The following PRKAG2 variants were observed in gnomAD, a reference collection of about 807,000 sequenced individuals.
PRKAG2 encodes the protein 5'-AMP-activated protein kinase subunit gamma-2.
Under a neutral mutation model 69.6 loss-of-function variants are expected in PRKAG2, and 26 were observed. The observed-to-expected ratio is 0.37, with a 90% CI of 0.27 to 0.52. The LOEUF is 0.52. Ranked by LOEUF, PRKAG2 falls within the 20% of genes least tolerant of loss-of-function variation. PRKAG2 has a pLI of 0.90. For missense variants in PRKAG2, 557 were observed against 740.0 expected, an observed-to-expected ratio of 0.75 and a Z score of 2.87; for synonymous variants, 293 against 285.0, an observed-to-expected ratio of 1.03 and a Z score of -0.28.
intron 5 of PRKAG2, among the ~76,000 whole-genome samples, chr7:151,631,258 T>C (rs1269203572): frequency 1.3e-5 from 2 of 152,234 alleles, no homozygotes; most frequent in Admixed American, 6.5e-5. Context: ...AAGCATCTTA[T>C]ATAAAGTTCT....
intron 1 of PRKAG2, among the ~76,000 whole-genome samples, chr7:151,870,154 T>TAGATAGATAGGCAGGCAGGCAGGC (rs1159760978): frequency 2.2e-5 from 3 of 138,438 alleles, no homozygotes; most frequent in African/African-American, 8.3e-5. Context: ...GATAGATAGA[T>TAGATAGATAGGCAGGCAGGCAGGC]AGGCAGGCAG....
At chr7:151,630,450 T>C (rs1824140206) in intron 5 of PRKAG2, among the ~76,000 whole-genome samples, 1 of 152,086 alleles carries the variant, frequency 6.6e-6, no homozygotes. Context: ...TCACTATGGG[T>C]TTACACTGTT....
chr7:151,694,677 G>A (rs989207058), intron 3 of PRKAG2, among the ~76,000 whole-genome samples: 6 of 152,186 alleles, frequency 3.9e-5, no homozygotes, highest in African/African-American at 1.4e-4. Flanking sequence ...CACACAGCAC[G>A]GAGGGCTTTC....
At chr7:151,634,095 C>T (rs1585388462) in intron 4 of PRKAG2, among the ~76,000 whole-genome samples, 2 of 152,124 alleles carry the variant, frequency 1.3e-5, no homozygotes, top group East Asian at 1.9e-4. Context: ...ATCTTGAAGT[C>T]GCTTAATATT....
chr7:151,609,275 T>C (rs1321226366), intron 5 of PRKAG2, among the ~76,000 whole-genome samples: 2 of 151,492 alleles, frequency 1.3e-5, no homozygotes, highest in Admixed American at 1.3e-4. Flanking sequence ...CTGAAACCCA[T>C]TTACACAGAA....
intron 5 of PRKAG2, among the ~76,000 whole-genome samples, chr7:151,617,295 G>GAAA (rs1820408782): frequency 7.7e-6 from 1 of 130,088 alleles, no homozygotes; most frequent in African/African-American, 2.8e-5. Context: ...AGGGAGGGGG[G>GAAA]GAGGGAGGGA....
At chr7:151,783,632 G>T (rs7782177) in intron 2 of PRKAG2, among the ~76,000 whole-genome samples, 105,519 of 151,894 alleles carry the variant, frequency 0.69, 36,899 homozygotes, top group East Asian at 0.86. Context: ...AAACAAGAGA[G>T]TCTTCAGGCA....
intron 3 of PRKAG2, among the ~76,000 whole-genome samples, chr7:151,677,931 T>A (rs1263414910): frequency 6.6e-6 from 1 of 152,204 alleles, no homozygotes; most frequent in Non-Finnish European, 1.5e-5. Context: ...TCAAACTCCT[T>A]TAAACATAAT....
In PRKAG2 at chr7:151,634,425, C is replaced by A. The variant is rs1825379905; in HGVS notation, c.685-2287G>T. Among the ~76,000 whole-genome samples the A allele has an allele frequency of 1.3e-5, 2 of 152,204 alleles. 1 individual carries two copies. The highest frequency in any genetic ancestry group is 4.1e-4 in the South Asian group (2 of 4,828). ...CAAAAGTTAGACTTGACACCAAAAA[C>A]ACAGTCCATAAAAGGAAAAACATAA... On this transcript the variant is annotated intron_variant, in intron 4 of 15. Transcript: ENST00000287878.
chr7:151,664,295 G>T (rs551132988), intron 4 of PRKAG2, among the ~76,000 whole-genome samples: 3 of 152,274 alleles, frequency 2.0e-5, no homozygotes, highest in African/African-American at 7.2e-5. Flanking sequence ...TATCTCATTT[G>T]AGCCTCACAG....
rs1010587574 is a variant in PRKAG2, at chr7:151,699,337, G to T, written c.467-23700C>A. On this transcript the variant is annotated intron_variant, in intron 3 of 15. Coordinates refer to ENST00000287878, the MANE Select transcript of PRKAG2 (RefSeq NM_016203.4). This position sits in a 1 kb window ranked among gnomAD's most constrained non-coding sequence, Gnocchi z 4.5. ...TAGTCCCAGCAGATCTCCGGGAGAT[G>T]CTGACTGCTGGCCGGATGCCTGTGT... 6.6e-6 allele frequency among the ~76,000 whole-genome samples: 1 copy of T among 152,210 alleles called. No individual in the cohort carries two copies. Among genetic ancestry groups the T allele is most frequent in the South Asian group, 2.1e-4 (1 of 4,830 alleles).
intron 6 of PRKAG2, among the ~76,000 whole-genome samples, chr7:151,591,461 C>T (rs1019838869): frequency 8.5e-5 from 13 of 152,140 alleles, no homozygotes; most frequent in Non-Finnish European, 1.9e-4. Flanking sequence ...AGATATGTGC[C>T]GGGCAGAGCA....
rs76201172 is a variant in PRKAG2 at position 151,859,206 on chromosome 7, G to A, written c.114+17301C>T. Among the ~76,000 whole-genome samples the A allele has an allele frequency of 1.2e-3, 181 of 152,354 alleles. 1 individual carries two copies. Among genetic ancestry groups the A allele is most frequent in the Non-Finnish European group, 2.1e-3 (145 of 68,028 alleles). On this transcript the variant is annotated intron_variant, in intron 1 of 15. Coordinates refer to ENST00000287878, the MANE Select transcript of PRKAG2 (RefSeq NM_016203.4). The stretch of plus-strand genomic sequence containing the variant: ...CTGTGATGCCCAGGGAATGGGCTTC[G>A]AGGGTGCTGCACAGCTGTGGCACCA...
intron 4 of PRKAG2, among the ~76,000 whole-genome samples, chr7:151,655,077 A>T (rs902120239): frequency 2.6e-5 from 4 of 152,168 alleles, no homozygotes; most frequent in African/African-American, 9.7e-5. Flanking sequence ...GACAAGTATT[A>T]CTCGGGAAAT....
At position 151,699,293 on chromosome 7, in the gene PRKAG2, G is replaced by T. The variant is rs1352963270; in HGVS notation, c.467-23656C>A. Among the ~76,000 whole-genome samples the T allele has an allele frequency of 6.6e-6, 1 of 152,234 alleles. No homozygotes were observed. The highest frequency in any genetic ancestry group is 1.5e-5 in the Non-Finnish European group (1 of 68,046). On this transcript the variant is annotated intron_variant, in intron 3 of 15. Transcript: ENST00000287878. The surrounding 1 kb of genome is among the most constrained non-coding windows in gnomAD (Gnocchi z 4.5). ...CACGAAGGTTGCCTCCCTCCCTGCG[G>T]TCAGGCTGCCTGCAGGCCTAGTCCC...
intron 4 of PRKAG2, among the ~76,000 whole-genome samples, chr7:151,643,488 T>C (rs1827090611): frequency 6.6e-6 from 1 of 152,196 alleles, no homozygotes; most frequent in African/African-American, 2.4e-5. Flanking sequence ...GAAGCTCTAT[T>C]CCTAAATTGG....
intron 1 of PRKAG2, among the ~76,000 whole-genome samples, chr7:151,824,643 T>A (rs1341627340): frequency 6.6e-6 from 1 of 152,050 alleles, no homozygotes; most frequent in Admixed American, 6.6e-5. Context: ...TCTCTCCTGC[T>A]CCTCTCACAG....
intron 4 of PRKAG2, among the ~76,000 whole-genome samples, chr7:151,639,326 C>T (rs1230623451): frequency 3.9e-5 from 6 of 152,182 alleles, no homozygotes; most frequent in East Asian, 3.9e-4. Context: ...CAGTCTTGCC[C>T]GCTTTCCAGT....
At chr7:151,596,648 CT>C (rs1397875607) in intron 5 of PRKAG2, among the ~76,000 whole-genome samples, 1 of 152,104 alleles carries the variant, frequency 6.6e-6, no homozygotes, top group Non-Finnish European at 1.5e-5. Flanking sequence ...TCTCAGGAGG[CT>C]GAGGCACGAG....
Sources: gnomAD v4.1 joint callset for allele counts (sites outside exome capture counted in the v4.1 genomes callset) on GRCh38, gnomAD v4.1.1 for gene constraint, Gnocchi (gnomAD v3.1) non-coding constraint, MANE v1.5 for transcripts, NCBI Gene and HGNC (gene_info 2026-07-23, HGNC 2026-07-21) for gene names.